SLCO5A1: variants seen among roughly 807,000 people sequenced by gnomAD.
SLCO5A1 encodes organic anion transporter polypeptide-related protein 4.
SLCO5A1 carries 39 observed loss-of-function variants against 65.1 expected under a neutral mutation model. That is an observed-to-expected ratio of 0.60 (90% CI 0.46 to 0.78). The LOEUF (loss-of-function observed/expected upper bound fraction) is 0.78, where lower values mean the gene tolerates loss of function less well. SLCO5A1 is among the 30% of genes least tolerant of loss of function. The pLI is 0.00. For missense variants in SLCO5A1, 1,029 were observed against 1,069.4 expected (o/e 0.96, Z 0.53); for synonymous variants, 438 against 415.7 (o/e 1.05, Z -0.65).
chr8:69,821,818 AAAAAG>A (rs1263929372), intron 2 of SLCO5A1, among the ~76,000 whole-genome samples: 1 of 148,982 alleles, frequency 6.7e-6, no homozygotes, highest in East Asian at 2.0e-4. Flanking sequence ...AAAAAAAAAA[AAAAAG>A]AAAAGAAAAG....
At chr8:69,762,168 T>A (rs1359767147) in intron 2 of SLCO5A1, among the ~76,000 whole-genome samples, 1 of 138,510 alleles carries the variant, frequency 7.2e-6, no homozygotes. Context: ...CTTTCTTTCT[T>A]TCTTTCTTTC....
At chr8:69,784,299 T>A (rs1818918565) in intron 2 of SLCO5A1, among the ~76,000 whole-genome samples, 1 of 152,148 alleles carries the variant, frequency 6.6e-6, no homozygotes. Context: ...GCAAAAATAC[T>A]TAACACCATT....
intron 2 of SLCO5A1, among the ~76,000 whole-genome samples, chr8:69,789,365 A>C (rs117952789): frequency 6.6e-6 from 1 of 152,234 alleles, no homozygotes; most frequent in Non-Finnish European, 1.5e-5. Flanking sequence ...AAACCTGAAC[A>C]TTGATAGGCA....
intron 5 of SLCO5A1, among the ~76,000 whole-genome samples, chr8:69,709,701 T>G (rs2933049): frequency 0.094 from 14,240 of 152,224 alleles, 806 homozygotes; most frequent in South Asian, 0.18. Context: ...GTTTCTTTTC[T>G]GTATAATTGA....
chr8:69,698,915 G>A (rs977854333), intron 6 of SLCO5A1, among the ~76,000 whole-genome samples: 4 of 152,182 alleles, frequency 2.6e-5, no homozygotes, highest in Admixed American at 1.3e-4. Flanking sequence ...CGAAACTTCT[G>A]AAAGGAGGTC....
chr8:69,674,769 C>A (rs1487425168), intron 9 of SLCO5A1, among the ~76,000 whole-genome samples: 1 of 151,686 alleles, frequency 6.6e-6, no homozygotes, highest in East Asian at 1.9e-4. Context: ...ATCTGTAATC[C>A]CAGAACTTTG....
intron 5 of SLCO5A1, among the ~76,000 whole-genome samples, chr8:69,730,723 A>G (rs1433909461): frequency 6.6e-6 from 1 of 152,146 alleles, no homozygotes; most frequent in Non-Finnish European, 1.5e-5. Context: ...AGCATTGTTT[A>G]TTGACAAAAA....
At chr8:69,691,078 G>C (rs750289917) in intron 6 of SLCO5A1, among the ~76,000 whole-genome samples, 37 of 152,182 alleles carry the variant, frequency 2.4e-4, no homozygotes, top group Non-Finnish European at 4.1e-4. Context: ...TTTATGTAAA[G>C]CATCACTTAA....
intron 5 of SLCO5A1, among the ~76,000 whole-genome samples, chr8:69,707,880 T>G (rs1022539223): frequency 6.6e-6 from 1 of 152,104 alleles, no homozygotes. Flanking sequence ...TGGCCCCCAT[T>G]GTAGACTTGT....
intron 2 of SLCO5A1, among the ~76,000 whole-genome samples, chr8:69,825,618 T>A (rs572363779): frequency 1.5e-3 from 231 of 151,730 alleles, no homozygotes; most frequent in Admixed American, 3.1e-3. Flanking sequence ...CACTGCTCAA[T>A]GAAATAAAAG....
intron 5 of SLCO5A1, among the ~76,000 whole-genome samples, chr8:69,723,773 C>CTTT (rs11444497): frequency 3.8e-5 from 5 of 133,260 alleles, no homozygotes; most frequent in Non-Finnish European, 6.4e-5. Context: ...TTTTAGTATG[C>CTTT]TTTTTTTTTT....
At chr8:69,681,484 T>C (rs1304227035) in intron 7 of SLCO5A1, among the ~76,000 whole-genome samples, 1 of 151,878 alleles carries the variant, frequency 6.6e-6, no homozygotes, top group Admixed American at 6.6e-5. Flanking sequence ...TCCCAACTAC[T>C]AGGGAGGCTG....
At chr8:69,688,895 T>A (rs1814116421) in intron 6 of SLCO5A1, among the ~76,000 whole-genome samples, 1 of 152,188 alleles carries the variant, frequency 6.6e-6, no homozygotes, top group African/African-American at 2.4e-5. Flanking sequence ...TAGTTCTAGG[T>A]CCCTGAGGAA....
At chr8:69,817,165 C>T (rs1048397595) in intron 2 of SLCO5A1, among the ~76,000 whole-genome samples, 1 of 152,126 alleles carries the variant, frequency 6.6e-6, no homozygotes, top group African/African-American at 2.4e-5. Flanking sequence ...CCAATTTTCC[C>T]CTTCCCTTGG....
intron 3 of SLCO5A1, among the ~76,000 whole-genome samples, chr8:69,759,078 A>C (rs1388591806): frequency 6.6e-6 from 1 of 152,190 alleles, no homozygotes; most frequent in African/African-American, 2.4e-5. Flanking sequence ...ATGTCTGTAG[A>C]GCTTAGTATA....
intron 4 of SLCO5A1, among the ~76,000 whole-genome samples, chr8:69,753,493 T>C (rs1290483614): frequency 6.6e-6 from 1 of 152,192 alleles, no homozygotes; most frequent in African/African-American, 2.4e-5. Flanking sequence ...AGGGCATTGA[T>C]AGCATTGTCT....
In SLCO5A1 at chr8:69,832,408, G is replaced by T; in HGVS notation, c.266C>A (p.Ser89Ter). ...GTGGTTACAGTCCCCGAGCCCCGCC[G>T]AAGTGGACGGGGCAGAGGGACTGGG... ...LAPSPSAPST[S>*]AGLGDCNHRV... The change falls in exon 2 of 10, where the codon TCG becomes TAG. Residue 89 changes from serine (S) to a stop codon, truncating the protein, a stop_gained. Transcript: ENST00000260126. LOFTEE classifies it high-confidence loss of function. The surrounding 1 kb of genome is among the most constrained non-coding windows in gnomAD (Gnocchi z 4.5). The T allele has an allele frequency of 6.2e-7, 1 of 1,612,284 alleles. No individual in the cohort carries two copies. Among genetic ancestry groups the T allele is most frequent in the East Asian group, 2.2e-5 (1 of 44,844 alleles).
chr8:69,770,478 G>A (rs907907439), intron 2 of SLCO5A1, among the ~76,000 whole-genome samples: 2 of 151,998 alleles, frequency 1.3e-5, no homozygotes, highest in African/African-American at 4.8e-5. Context: ...TAATGAAGCA[G>A]ACCCCAACGT....
chr8:69,791,466 A>G (rs1819264524), intron 2 of SLCO5A1, among the ~76,000 whole-genome samples: 1 of 152,230 alleles, frequency 6.6e-6, no homozygotes, highest in Non-Finnish European at 1.5e-5. Flanking sequence ...TACAGTCATT[A>G]AAAATTGTGC....
Sources: allele counts gnomAD v4.1 joint callset (sites outside exome capture counted in the v4.1 genomes callset), GRCh38; gene constraint gnomAD v4.1.1; non-coding constraint Gnocchi (gnomAD v3.1); transcripts MANE v1.5; gene names NCBI Gene and HGNC (gene_info 2026-07-23, HGNC 2026-07-21).